ABR: variants seen among roughly 807,000 people sequenced by gnomAD.
The protein encoded by ABR is ABR activator of RhoGEF and GTPase.
A neutral mutation model predicts 107.2 loss-of-function variants in ABR; 35 were observed. That is an observed-to-expected ratio of 0.33 (90% CI 0.25 to 0.43). ABR has a LOEUF of 0.43. ABR is among the 20% of genes least tolerant of loss of function. ABR has a pLI of 1.00. For synonymous variants in ABR, 498 were observed against 462.0 expected (o/e 1.08, Z -1.00); for missense variants, 815 against 1,115.2 (o/e 0.73, Z 3.83).
chr17:1,096,674 G>A (rs1255822976), intron 3 of ABR, among the ~76,000 whole-genome samples: 1 of 151,344 alleles, frequency 6.6e-6, no homozygotes, highest in East Asian at 1.9e-4. Flanking sequence ...GGAGAGAGCT[G>A]GGGGAAGGTG....
At position 1,200,694 on chromosome 17, in the gene ABR, T is replaced by A. The variant is rs1360286269; in HGVS notation, c.838+28099A>T. 2.0e-5 allele frequency among the ~76,000 whole-genome samples: 3 copies of A among 152,316 alleles called. No individual in the cohort carries two copies. Among genetic ancestry groups the A allele is most frequent in the Middle Eastern group, 3.4e-3 (1 of 294 alleles). On this transcript the variant is annotated intron_variant, in intron 1 of 22. Transcript: ENST00000574139. This position sits in a 1 kb window ranked among gnomAD's most constrained non-coding sequence, Gnocchi z 4.1. ...GGCCTCCGTGGTGCAGACACAAAGA[T>A]GGATCCCCAGGTGGAAACCCGGGCA...
intron 1 of ABR, among the ~76,000 whole-genome samples, chr17:1,156,485 A>G (rs2041048049): frequency 6.6e-6 from 1 of 152,098 alleles, no homozygotes; most frequent in African/African-American, 2.4e-5. Context: ...GGAGTTCAAG[A>G]CCAGCCTGGC....
chr17:1,146,730 G>A (rs2040553507), intron 1 of ABR, among the ~76,000 whole-genome samples: 1 of 138,780 alleles, frequency 7.2e-6, no homozygotes. Context: ...TGCCACCATT[G>A]CCACACGACA....
intron 3 of ABR, among the ~76,000 whole-genome samples, chr17:1,094,851 G>A (rs1403178875): frequency 7.1e-6 from 1 of 141,578 alleles, no homozygotes; most frequent in Non-Finnish European, 1.6e-5. Context: ...GGAGGAGTGG[G>A]GGCGTAGAGA....
At position 1,214,990 on chromosome 17, in the gene ABR, C is replaced by T. The variant is rs74693084; in HGVS notation, c.838+13803G>A. On this transcript the variant is annotated intron_variant, in intron 1 of 22. Transcript: ENST00000574139. The stretch of plus-strand genomic sequence containing the variant: ...GTCCCAGCACTTTAGGAGGTGGAGG[C>T]AGGCAGATTGCTTGAGTCCAGGTGT... 5.9e-3 allele frequency among the ~76,000 whole-genome samples: 895 copies of T among 152,128 alleles called. 46 individuals carry two copies. In the East Asian group the frequency reaches 0.13, roughly 22 times the overall value.
chr17:1,034,466 C>G (rs2073022650), intron 16 of ABR, among the ~76,000 whole-genome samples: 1 of 152,172 alleles, frequency 6.6e-6, no homozygotes, highest in African/African-American at 2.4e-5. Flanking sequence ...CCCAGATGGA[C>G]AAAACCCGCA....
At chr17:1,205,982 G>A (rs2042781130) in intron 1 of ABR, among the ~76,000 whole-genome samples, 3 of 151,430 alleles carry the variant, frequency 2.0e-5, no homozygotes, top group Admixed American at 2.0e-4. Context: ...TGGGCGTGGT[G>A]GCGCGCACCT....
At chr17:1,060,580 G>A (rs942327281) in intron 10 of ABR, among the ~76,000 whole-genome samples, 9 of 152,162 alleles carry the variant, frequency 5.9e-5, no homozygotes, top group East Asian at 1.9e-4. Flanking sequence ...TGTCAGCAGT[G>A]GGAGGTGAGT....
At chr17:1,061,999 A>C (rs2034001982) in intron 10 of ABR, among the ~76,000 whole-genome samples, 1 of 152,212 alleles carries the variant, frequency 6.6e-6, no homozygotes, top group African/African-American at 2.4e-5. Context: ...GGTGAACAAA[A>C]AGCCACAGGA....
At chr17:1,097,929 G>A (rs1394429845) in intron 3 of ABR, among the ~76,000 whole-genome samples, 3 of 152,108 alleles carry the variant, frequency 2.0e-5, no homozygotes, top group Non-Finnish European at 2.9e-5. Context: ...GTAACTCAAC[G>A]CTGTATGAGG....
chr17:1,081,613 T>C (rs1195104928), intron 5 of ABR, among the ~76,000 whole-genome samples: 1 of 152,170 alleles, frequency 6.6e-6, no homozygotes, highest in Non-Finnish European at 1.5e-5. Flanking sequence ...GGTCTCGCTC[T>C]GTCACCAGAC....
chr17:1,163,107 T>C (rs1318308502), intron 1 of ABR, among the ~76,000 whole-genome samples: 1 of 152,214 alleles, frequency 6.6e-6, no homozygotes, highest in African/African-American at 2.4e-5. Flanking sequence ...TTTTGCTCCA[T>C]TAATTTGTGC....
intron 1 of ABR, among the ~76,000 whole-genome samples, chr17:1,126,887 C>G (rs896781698): frequency 5.3e-5 from 8 of 152,234 alleles, no homozygotes. Flanking sequence ...AATGAATGAG[C>G]AGAGGATCGC....
chr17:1,033,937 C>T (rs1425413358), intron 16 of ABR, among the ~76,000 whole-genome samples: 1 of 151,828 alleles, frequency 6.6e-6, no homozygotes, highest in African/African-American at 2.4e-5. Flanking sequence ...CTGCTCACTC[C>T]TCAGGCCCCA....
chr17:1,169,374 C>T (rs1408904757), intron 1 of ABR, among the ~76,000 whole-genome samples: 1 of 152,230 alleles, frequency 6.6e-6, no homozygotes, highest in African/African-American at 2.4e-5. Context: ...TGAGAACGCT[C>T]GCTCTACTCT....
intron 1 of ABR, among the ~76,000 whole-genome samples, chr17:1,203,864 G>T (rs1216349819): frequency 1.3e-5 from 2 of 152,194 alleles, no homozygotes; most frequent in Non-Finnish European, 2.9e-5. Flanking sequence ...AGGACGTTCC[G>T]GTGGCGCCGC....
chr17:1,032,954 T>C (rs139500745), intron 16 of ABR, among the ~76,000 whole-genome samples: 141 of 152,266 alleles, frequency 9.3e-4, no homozygotes, highest in Non-Finnish European at 8.4e-4. Context: ...CTCACATTCT[T>C]GTCATGTTGG....
intron 1 of ABR, chr17:1,177,914 G>A (rs62070494): frequency 0.071 from 10,793 of 152,436 alleles, 533 homozygotes; most frequent in East Asian, 0.2. Context: ...CATGGGCCCT[G>A]ACCTTCACCC....
Position 1,071,659 on chromosome 17 carries a change from C to T in ABR, c.894+955G>A, listed in dbSNP as rs989806338. On this transcript the variant is annotated intron_variant, in intron 8 of 22. Transcript: ENST00000302538. This position sits in a 1 kb window ranked among gnomAD's most constrained non-coding sequence, Gnocchi z 5.1. ...GCTGTGGGCTCCCCGCAAGCCACTG[C>T]GTGTGCAGGCCGAGCTGAAGCAGCT... 6.6e-6 allele frequency among the ~76,000 whole-genome samples: 1 copy of T among 152,366 alleles called. No homozygotes were observed. The highest frequency in any genetic ancestry group is 1.9e-4 in the East Asian group (1 of 5,178).
Sources: gnomAD v4.1 joint callset for allele counts (sites outside exome capture counted in the v4.1 genomes callset) on GRCh38, gnomAD v4.1.1 for gene constraint, Gnocchi (gnomAD v3.1) non-coding constraint, MANE v1.5 for transcripts, NCBI Gene and HGNC (gene_info 2026-07-23, HGNC 2026-07-21) for gene names.